The following ACBD6 variants were observed in gnomAD, a reference collection of about 807,000 sequenced individuals.
The protein encoded by ACBD6 is acyl-CoA-binding domain-containing protein 6.
ACBD6 carries 28 observed loss-of-function variants against 37.2 expected under a neutral mutation model. The observed-to-expected ratio is 0.75, with a 90% confidence interval of 0.56 to 1.03. The LOEUF (loss-of-function observed/expected upper bound fraction) is 1.03. Among genes scored for constraint, ACBD6 ranks in the 50% least tolerant of loss-of-function variants. The probability of loss-of-function intolerance (pLI) is 0.00; values close to 1 mark genes in which losing one functional copy is unlikely to be tolerated. For synonymous variants in ACBD6, 113 were observed against 126.8 expected (o/e 0.89, Z 0.73); for missense variants, 340 against 337.4 (o/e 1.01, Z -0.06).
At chr1:180,339,978 A>C (rs1303941861) in intron 6 of ACBD6, among the ~76,000 whole-genome samples, 3 of 152,132 alleles carry the variant, frequency 2.0e-5, no homozygotes, top group African/African-American at 7.2e-5. Context: ...TAAGGGAATA[A>C]GCTGTCTAAA....
chr1:180,332,273 G>A (rs1651515181), intron 6 of ACBD6, among the ~76,000 whole-genome samples: 1 of 152,132 alleles, frequency 6.6e-6, no homozygotes, highest in Non-Finnish European at 1.5e-5. Context: ...CTAGACAAAG[G>A]CAGTAACTTC....
intron 3 of ACBD6, among the ~76,000 whole-genome samples, chr1:180,439,939 T>C (rs559282824): frequency 1.3e-5 from 2 of 152,312 alleles, no homozygotes; most frequent in African/African-American, 2.4e-5. Flanking sequence ...AAAAAGTCTT[T>C]AAATTTACCC....
At chr1:180,368,270 G>C (rs1653125387) in intron 6 of ACBD6, among the ~76,000 whole-genome samples, 1 of 151,642 alleles carries the variant, frequency 6.6e-6, no homozygotes, top group Non-Finnish European at 1.5e-5. Context: ...ACAGATGCTG[G>C]GTATTAGACC....
Position 180,274,455 on chromosome 1 carries a change from A to G in ACBD6, c.*936+196T>C. 1 of 1,614,212 alleles carries G rather than the reference A, an allele frequency of 6.2e-7. No individual in the cohort carries two copies. Among genetic ancestry groups the G allele is most frequent in the Non-Finnish European group, 8.5e-7 (1 of 1,180,042 alleles). On this transcript the variant is annotated intron_variant, in intron 10 of 13. Coordinates refer to the ACBD6 transcript ENST00000642319. ...GCGCATGCAGGGCAGGGAGTAAGCC[A>G]GACGCTGAGAGCCATGGCTGGGGGA... is the stretch of plus-strand genomic sequence containing the variant.
At chr1:180,462,814 C>T (rs1191837694) in intron 3 of ACBD6, among the ~76,000 whole-genome samples, 3 of 152,062 alleles carry the variant, frequency 2.0e-5, no homozygotes, top group Non-Finnish European at 2.9e-5. Context: ...ACTCTAAAAT[C>T]GGTCACATAA....
chr1:180,331,916 G>A (rs1396868985), intron 6 of ACBD6, among the ~76,000 whole-genome samples: 1 of 152,102 alleles, frequency 6.6e-6, no homozygotes, highest in East Asian at 1.9e-4. Context: ...ACTCCTACTA[G>A]AGAGTATATT....
chr1:180,305,812 T>C (rs1013389893), intron 7 of ACBD6, among the ~76,000 whole-genome samples: 16 of 152,142 alleles, frequency 1.1e-4, no homozygotes, highest in Admixed American at 2.0e-4. Flanking sequence ...TGTATGTTTA[T>C]TGCAGCACTA....
chr1:180,359,945 TATTA>T (rs1319052972), intron 6 of ACBD6, among the ~76,000 whole-genome samples: 1 of 152,214 alleles, frequency 6.6e-6, no homozygotes, highest in East Asian at 1.9e-4. Context: ...CAGATAACAT[TATTA>T]TTTACTATGC....
At chr1:180,434,764 G>A (rs906965247) in intron 3 of ACBD6, 22 of 625,806 alleles carry the variant, frequency 3.5e-5, no homozygotes, top group African/African-American at 9.2e-5. Context: ...GGCCATAGCC[G>A]CAACCGAGCC....
chr1:180,414,853 T>G (rs981477980), intron 4 of ACBD6, among the ~76,000 whole-genome samples: 1 of 152,138 alleles, frequency 6.6e-6, no homozygotes, highest in Non-Finnish European at 1.5e-5. Flanking sequence ...ACTTATTCTG[T>G]AAAGAAAATA....
chr1:180,495,071 G>GA (rs1284356933), intron 2 of ACBD6, among the ~76,000 whole-genome samples: 1 of 152,158 alleles, frequency 6.6e-6, no homozygotes, highest in East Asian at 1.9e-4. Flanking sequence ...GAAGATGGGT[G>GA]AAAAATGGGG....
At chr1:180,271,657 A>G (rs1429231825) in exon 14 of ACBD6, 1 of 1,394,006 alleles carries the variant, frequency 7.2e-7, no homozygotes, top group Non-Finnish European at 1.0e-6. Flanking sequence ...GGCTTTTGCC[A>G]GAACTGAAGA....
At chr1:180,420,113 T>C (rs1305246345) in intron 4 of ACBD6, among the ~76,000 whole-genome samples, 1 of 152,218 alleles carries the variant, frequency 6.6e-6, no homozygotes, top group East Asian at 1.9e-4. Flanking sequence ...TTGTTCCTCA[T>C]CATATCTATC....
intron 3 of ACBD6, among the ~76,000 whole-genome samples, chr1:180,449,245 A>C (rs1649599420): frequency 6.6e-6 from 1 of 152,198 alleles, no homozygotes; most frequent in Non-Finnish European, 1.5e-5. Flanking sequence ...ACATTTTAAT[A>C]GTTTCCGAAA....
intron 5 of ACBD6, among the ~76,000 whole-genome samples, chr1:180,411,216 C>G (rs1025379560): frequency 6.6e-6 from 1 of 152,058 alleles, no homozygotes; most frequent in Non-Finnish European, 1.5e-5. Context: ...GAATCTACTC[C>G]GGCGAAGATG....
intron 7 of ACBD6, among the ~76,000 whole-genome samples, chr1:180,290,821 G>C (rs191484350): frequency 4.2e-4 from 64 of 152,356 alleles, no homozygotes; most frequent in African/African-American, 1.5e-3. Flanking sequence ...GCAGTACAAA[G>C]AGTTGAAAGT....
chr1:180,330,286 G>A (rs543726557), intron 6 of ACBD6, among the ~76,000 whole-genome samples: 15 of 150,798 alleles, frequency 9.9e-5, no homozygotes, highest in Middle Eastern at 3.4e-3. Context: ...CAGGTGTGGC[G>A]GTGCACACCT....
chr1:180,487,966 G>A (rs903149500), intron 3 of ACBD6, among the ~76,000 whole-genome samples: 2 of 152,072 alleles, frequency 1.3e-5, no homozygotes, highest in Non-Finnish European at 2.9e-5. Flanking sequence ...GTCTTGGAAC[G>A]TATCCCCTGA....
At chr1:180,346,944 A>G (rs1363439034) in intron 6 of ACBD6, among the ~76,000 whole-genome samples, 3 of 152,126 alleles carry the variant, frequency 2.0e-5, no homozygotes, top group African/African-American at 4.8e-5. Flanking sequence ...TGAGGCTAGG[A>G]GGTCGAGGCT....
Sources: allele counts gnomAD v4.1 joint callset (sites outside exome capture counted in the v4.1 genomes callset), GRCh38; gene constraint gnomAD v4.1.1; transcripts MANE v1.5; gene names NCBI Gene and HGNC (gene_info 2026-07-23, HGNC 2026-07-21).